UMPS: variants seen among roughly 807,000 people sequenced by gnomAD.
UMPS encodes the protein uridine 5'-monophosphate synthase.
UMPS carries 21 observed loss-of-function variants against 38.9 expected under a neutral mutation model. The observed-to-expected ratio is 0.54, with a 90% CI of 0.38 to 0.78. The LOEUF (loss-of-function observed/expected upper bound fraction) is 0.78. UMPS is among the 30% of genes least tolerant of loss of function. UMPS has a pLI of 0.00. For synonymous variants in UMPS, 208 were observed against 219.3 expected, an observed-to-expected ratio of 0.95 and a Z score of 0.45; for missense variants, 533 against 591.6, an observed-to-expected ratio of 0.90 and a Z score of 1.03.
At chr3:124,735,275 G>A in intron 2 of UMPS, 29 bp downstream of exon 2, 3 of 1,591,384 alleles carry the variant, frequency 1.9e-6, no homozygotes, top group Non-Finnish European at 2.6e-6. Context: ...AAAGCATGAA[G>A]TTAATTAATC....
At chr3:124,742,411 T>C (rs982909265) in intron 5 of UMPS, 145 bp downstream of exon 5, 7 of 679,956 alleles carry the variant, frequency 1.0e-5, no homozygotes, top group African/African-American at 1.8e-5. Context: ...TTGGTAACTA[T>C]GTATCTTTGG....
chr3:124,741,843 T>C (rs1416922715), intron 4 of UMPS, among the ~76,000 whole-genome samples: 3 of 152,126 alleles, frequency 2.0e-5, no homozygotes, highest in African/African-American at 7.2e-5. Context: ...CTATCTAAGA[T>C]GACCTGTTTC....
rs1267002433 is a variant in UMPS, at chr3:124,742,057, T to C, written c.1159-95T>C. ...TAGGGAGACCTCATGTCTTTTTTTT[T>C]TTTTTTTAAGTTTTGAAAAAATAGA... On this transcript the variant is annotated intron_variant, in intron 4 of 5. Transcript: ENST00000232607. The C allele has an allele frequency of 9.9e-6, 10 of 1,012,856 alleles. 1 individual carries two copies. The highest frequency in any genetic ancestry group is 6.1e-5 in the Admixed American group (3 of 49,530). 62.7% of individuals were successfully genotyped at this position (1,012,856 alleles called of 1,614,324 possible).
rs780107920 is a variant in UMPS, at chr3:124,748,716, T to TG, written c.*4638dup. ...GTGTCATGTTTTTCAGCGCTGGGGT[T>TG]GGGGGGAGCCCAGGAGAGCAGGAAG... On this transcript the variant is annotated 3_prime_UTR_variant, in exon 6 of 6. Transcript: ENST00000232607. 4.5e-6 allele frequency: 2 copies of TG among 448,556 alleles called. No homozygotes were observed. The highest frequency in any genetic ancestry group is 8.9e-6 in the Non-Finnish European group (2 of 224,088). The allele number at this position is 448,556 out of a possible 1,614,324, so 27.8% of individuals were successfully genotyped here.
In UMPS at chr3:124,747,170, G is replaced by A. The variant is rs1017404210; in HGVS notation, c.*3086G>A. On this transcript the variant is annotated 3_prime_UTR_variant, in exon 6 of 6. Transcript: ENST00000232607. ...CTCTCGAGTGGCTGGAACTACAGGC[G>A]TGCACCACCACAGCTGGTTAATTTT... is the stretch of plus-strand genomic sequence containing the variant. 7 of 453,780 alleles carry A rather than the reference G, an allele frequency of 1.5e-5. No homozygotes were observed. Among genetic ancestry groups the A allele is most frequent in the African/African-American group, 4.0e-5 (2 of 49,986 alleles). 28.1% of individuals were successfully genotyped at this position (453,780 alleles called of 1,614,324 possible). A position where few individuals can be genotyped will look rare whatever the true frequency, so the allele number is the denominator to read the frequency against.
chr3:124,743,172 C>A (rs1462203334), intron 5 of UMPS, among the ~76,000 whole-genome samples: 5 of 151,494 alleles, frequency 3.3e-5, no homozygotes, highest in African/African-American at 9.7e-5. Context: ...TGTCTCTACT[C>A]AAAATACAAA....
In UMPS at chr3:124,744,025, G is replaced by A. The variant is rs1048226306; in HGVS notation, c.1384G>A (p.Ala462Thr). The A allele has an allele frequency of 6.2e-7, 1 of 1,614,242 alleles. No individual in the cohort carries two copies. Among genetic ancestry groups the A allele is most frequent in the Non-Finnish European group, 8.5e-7 (1 of 1,180,040 alleles). ...GIISAADRLE[A>T]AEMYRKAAWE... ...AATCTCAGCAGCTGATCGTCTGGAA[G>A]CAGCAGAGATGTACAGAAAAGCTGC... The change falls in exon 6 of 6, where the codon GCA becomes ACA. Residue 462 changes from alanine (A) to threonine (T), a missense_variant. By Grantham distance (58) the Ala-to-Thr change is moderately conservative. Coordinates refer to ENST00000232607, the MANE Select transcript of UMPS (RefSeq NM_000373.4).
chr3:124,747,065 C>T lies in UMPS; in HGVS notation c.*2981C>T, dbSNP rs1559910077. On this transcript the variant is annotated 3_prime_UTR_variant, in exon 6 of 6. Transcript: ENST00000232607. ...CTCTGTTGCCCAGGCTGGAGTATATCATGGCTCACTGCAACCTTGACTTGG... is the reference window on the plus strand; with the variant it reads ...CTCTGTTGCCCAGGCTGGAGTATATTATGGCTCACTGCAACCTTGACTTGG... 1 of 453,584 alleles carries T rather than the reference C, an allele frequency of 2.2e-6. No individual in the cohort carries two copies. Among genetic ancestry groups the T allele is most frequent in the Non-Finnish European group, 4.4e-6 (1 of 226,468 alleles). The allele number at this position is 453,584 out of a possible 1,614,324, so 28.1% of individuals were successfully genotyped here.
Position 124,749,200 on chromosome 3 carries a change from TGTTGA to T in UMPS, c.*5120_*5124del, listed in dbSNP as rs556352266. 3.1e-4 allele frequency: 142 copies of T among 454,018 alleles called. No individual in the cohort carries two copies. The highest frequency in any genetic ancestry group is 1.9e-3 in the African/African-American group (97 of 50,094). 28.1% of individuals were successfully genotyped at this position (454,018 alleles called of 1,614,324 possible). On this transcript the variant is annotated 3_prime_UTR_variant, in exon 6 of 6. Coordinates refer to ENST00000232607, the MANE Select transcript of UMPS (RefSeq NM_000373.4). ...GAATAGATACTTGAAGCAGAGATGA[TGTTGA>T]GTTAAAAAAAATATATACATAAAAA...
rs750701221 is a variant in UMPS, at chr3:124,738,014, A to C, written c.757A>C (p.Asn253His). ...LLRLMQKKET[N>H]LCLSADVSLA... ...CAGGCTTATGCAAAAGAAGGAGACC[A>C]ATCTGTGTCTATCTGCTGATGTTTC... The change falls in exon 3 of 6, where the codon AAT becomes CAT. Residue 253 changes from asparagine to histidine, a missense_variant. Asn to His is a moderately conservative substitution (Grantham distance 68). Coordinates refer to ENST00000232607, the MANE Select transcript of UMPS (RefSeq NM_000373.4). 6.2e-7 allele frequency: 1 copy of C among 1,614,238 alleles called. No individual in the cohort carries two copies. The highest frequency in any genetic ancestry group is 8.5e-7 in the Non-Finnish European group (1 of 1,180,032).
Position 124,745,937 on chromosome 3 carries a change from G to A in UMPS, c.*1853G>A, listed in dbSNP as rs552936733. 2.0e-5 allele frequency: 9 copies of A among 454,056 alleles called. No homozygotes were observed. The highest frequency in any genetic ancestry group is 6.9e-5 in the East Asian group (1 of 14,400). 28.1% of individuals were successfully genotyped at this position (454,056 alleles called of 1,614,324 possible). On this transcript the variant is annotated 3_prime_UTR_variant, in exon 6 of 6. Coordinates refer to ENST00000232607, the MANE Select transcript of UMPS (RefSeq NM_000373.4). ...GTCAAAACAGGTACCAGCCCCACCC[G>A]CAGCGTTTCTGACTCTGGGTAGCTC...
intron 4 of UMPS, among the ~76,000 whole-genome samples, chr3:124,741,624 C>T (rs1559906745): frequency 6.6e-6 from 1 of 152,084 alleles, no homozygotes; most frequent in Non-Finnish European, 1.5e-5. Context: ...GGTTTCATAC[C>T]ATTATAATAT....
intron 5 of UMPS, 66 bp from the exon 6 acceptor site, chr3:124,743,849 G>T: frequency 6.3e-7 from 1 of 1,593,964 alleles, no homozygotes; most frequent in East Asian, 2.2e-5. Flanking sequence ...CTTTTTCAGA[G>T]AAGTCATGTG....
Position 124,740,089 on chromosome 3 carries a change from G to A in UMPS, c.1048G>A (p.Val350Ile). The A allele has an allele frequency of 6.2e-7, 1 of 1,614,166 alleles. No individual in the cohort carries two copies. The highest frequency in any genetic ancestry group is 8.5e-7 in the Non-Finnish European group (1 of 1,180,032). ...VNAHVVPGSG[V>I]VKGLQEVGLP... ...TGCTCACGTGGTGCCAGGCTCAGGA[G>A]TTGTGAAAGGCCTGCAAGAAGTGGG... Residue 350 changes from valine (V) to isoleucine (I), a missense_variant, in exon 4 of 6, where the codon GTT becomes ATT. Physicochemically the swap from Val to Ile is conservative, Grantham distance 29. Coordinates refer to ENST00000232607, the MANE Select transcript of UMPS (RefSeq NM_000373.4).
In UMPS at chr3:124,739,886, TA is replaced by T; in HGVS notation, c.983-135del. On this transcript the variant is annotated intron_variant, in intron 3 of 5. Transcript: ENST00000232607. ...GAACCATGGGTCTGCTGATAATCAC[TA>T]AAGTTCCTGAAGAGTTTTGATTCTC... 3 of 852,796 alleles carry T rather than the reference TA, an allele frequency of 3.5e-6. No homozygotes were observed. The South Asian group carries it at 4.4e-5, about 12-fold the overall frequency. The allele number at this position is 852,796 out of a possible 1,614,324, so 52.8% of individuals were successfully genotyped here. A position where few individuals can be genotyped will look rare whatever the true frequency, so the allele number is the denominator to read the frequency against.
In UMPS at chr3:124,746,548, G is replaced by T; in HGVS notation, c.*2464G>T. ...TCTTCAGCATTGAAGTATTTTGGAG[G>T]CATTAGATAGTTTAACCCTTTCTCA... On this transcript the variant is annotated 3_prime_UTR_variant, in exon 6 of 6. Transcript: ENST00000232607. 1 of 453,962 alleles carries T rather than the reference G, an allele frequency of 2.2e-6. No homozygotes were observed. The highest frequency in any genetic ancestry group is 6.9e-5 in the East Asian group (1 of 14,404). The allele number at this position is 453,962 out of a possible 1,614,324, so 28.1% of individuals were successfully genotyped here.
chr3:124,735,129 G>A lies in UMPS; in HGVS notation c.193G>A (p.Gly65Ser). The change falls in exon 2 of 6, where the codon GGC (glycine) becomes AGC (serine). Residue 65 changes from glycine (G) to serine (S), a missense_variant. By Grantham distance (56) the Gly-to-Ser change is moderately conservative (BLOSUM62 0). Transcript: ENST00000232607. ...TTTATTCCAAACTGCCCAAAATGCA[G>A]GCATCAGTTTTGACACCGTGTGTGG... is the stretch of plus-strand genomic sequence containing the variant. ...DILFQTAQNA[G>S]ISFDTVCGVP... is the part of the protein sequence containing the mutation. 6.2e-7 allele frequency: 1 copy of A among 1,614,006 alleles called. No individual in the cohort carries two copies. The highest frequency in any genetic ancestry group is 1.1e-5 in the South Asian group (1 of 91,042).
intron 2 of UMPS, among the ~76,000 whole-genome samples, chr3:124,736,646 T>G (rs1202832230): frequency 6.6e-6 from 1 of 152,172 alleles, no homozygotes; most frequent in Non-Finnish European, 1.5e-5. Flanking sequence ...TCCCTACCCA[T>G]AAGAAAACTC....
At chr3:124,741,500 A>C (rs2063556761) in intron 4 of UMPS, among the ~76,000 whole-genome samples, 1 of 152,180 alleles carries the variant, frequency 6.6e-6, no homozygotes, top group African/African-American at 2.4e-5. Context: ...CAGAAGAGGG[A>C]AAGTGGTAGA....
Sources: allele counts gnomAD v4.1 joint callset (sites outside exome capture counted in the v4.1 genomes callset), GRCh38; gene constraint gnomAD v4.1.1; transcripts MANE v1.5; gene names NCBI Gene and HGNC (gene_info 2026-07-23, HGNC 2026-07-21).